Variants in KAZN observed in about 807,000 individuals in gnomAD.
The protein encoded by KAZN is kazrin.
A neutral mutation model predicts 87.4 loss-of-function variants in KAZN; 40 were observed. The ratio of observed to expected loss-of-function variants is 0.46; its 90% confidence interval spans 0.36 to 0.60. KAZN has a LOEUF of 0.60. KAZN is among the 20% of genes least tolerant of loss of function. The pLI is 0.00. For synonymous variants in KAZN, 466 were observed against 458.3 expected (o/e 1.02, Z -0.22); for missense variants, 898 against 1,073.9 (o/e 0.84, Z 2.29).
chr1:14,188,234 T>TGG (rs1481401680), intron 2 of KAZN, among the ~76,000 whole-genome samples: 1 of 142,084 alleles, frequency 7.0e-6, no homozygotes, highest in South Asian at 2.3e-4. Context: ...TGTGTGTGTG[T>TGG]GTGAAAGAGA....
chr1:13,943,465 A>G (rs6663073), intron 1 of KAZN, among the ~76,000 whole-genome samples: 21,095 of 152,102 alleles, frequency 0.14, 1,561 homozygotes, highest in Middle Eastern at 0.22. Flanking sequence ...TTTTAAAAAA[A>G]ATAATAACCA....
chr1:14,458,973 T>C (rs1418304000), intron 2 of KAZN, among the ~76,000 whole-genome samples: 1 of 152,182 alleles, frequency 6.6e-6, no homozygotes, highest in Non-Finnish European at 1.5e-5. Context: ...AAATCTCAAC[T>C]TGAAGAAGAG....
chr1:14,101,732 C>T (rs1159826089), intron 1 of KAZN, among the ~76,000 whole-genome samples: 1 of 152,198 alleles, frequency 6.6e-6, no homozygotes, highest in Non-Finnish European at 1.5e-5. Context: ...ATAAGGGCAG[C>T]TTAATTGTCA....
chr1:14,128,654 C>T (rs984306524), intron 1 of KAZN, among the ~76,000 whole-genome samples: 3 of 152,150 alleles, frequency 2.0e-5, no homozygotes, highest in African/African-American at 7.2e-5. Context: ...TTGAAAGCCC[C>T]TATCTCCAAA....
At chr1:13,984,741 A>C (rs1638926839) in intron 1 of KAZN, among the ~76,000 whole-genome samples, 1 of 152,238 alleles carries the variant, frequency 6.6e-6, no homozygotes, top group Admixed American at 6.5e-5. Context: ...AGCACAGAGC[A>C]TGGCATATAA....
intron 2 of KAZN, among the ~76,000 whole-genome samples, chr1:14,376,154 G>A (rs568412561): frequency 3.3e-4 from 50 of 152,286 alleles, no homozygotes; most frequent in East Asian, 1.2e-3. Flanking sequence ...CTGTGGGAAT[G>A]TTACCATCTC....
At chr1:14,353,509 G>A (rs962913835) in intron 2 of KAZN, among the ~76,000 whole-genome samples, 16 of 151,950 alleles carry the variant, frequency 1.1e-4, no homozygotes, top group Non-Finnish European at 2.1e-4. Context: ...GTGAGCCACC[G>A]CGCCCGGCCG....
chr1:14,496,808 A>T (rs1320064228), intron 2 of KAZN, among the ~76,000 whole-genome samples: 1 of 152,100 alleles, frequency 6.6e-6, no homozygotes, highest in East Asian at 1.9e-4. Context: ...TACATTCTTA[A>T]ACATGTAGCA....
intron 4 of KAZN, among the ~76,000 whole-genome samples, chr1:15,047,767 T>C (rs1021477741): frequency 6.6e-6 from 1 of 150,742 alleles, no homozygotes; most frequent in Admixed American, 6.6e-5. Context: ...CGAAACCCCA[T>C]CTCAAAAAAA....
At chr1:13,970,279 G>A (rs1557754044) in intron 1 of KAZN, among the ~76,000 whole-genome samples, 1 of 152,224 alleles carries the variant, frequency 6.6e-6, no homozygotes, top group Non-Finnish European at 1.5e-5. Flanking sequence ...AAAAAGTGCT[G>A]ACAAGGACTG....
At chr1:14,807,265 G>A (rs992777319) in intron 1 of KAZN, among the ~76,000 whole-genome samples, 58 of 152,196 alleles carry the variant, frequency 3.8e-4, no homozygotes, top group Non-Finnish European at 2.4e-4. Flanking sequence ...TCCTGGAAGA[G>A]GCAGCAGCCA....
chr1:14,660,527 T>TTCTC (rs35829534), intron 1 of KAZN, among the ~76,000 whole-genome samples: 1,684 of 119,986 alleles, frequency 0.014, 110 homozygotes, highest in African/African-American at 0.061. Context: ...CTCTCCAAGT[T>TTCTC]TCTCTCTCTC....
At chr1:14,962,873 C>T (rs1664047761) in intron 2 of KAZN, among the ~76,000 whole-genome samples, 1 of 152,148 alleles carries the variant, frequency 6.6e-6, no homozygotes, top group Admixed American at 6.5e-5. Context: ...CAGAGGCTCA[C>T]TTACACTACC....
chr1:14,124,127 G>A (rs1047843375), intron 1 of KAZN: 16 of 152,068 alleles, frequency 1.1e-4, no homozygotes, highest in African/African-American at 3.6e-4. Context: ...ATATTTTTGT[G>A]GTGCAAAATC....
chr1:15,072,571 T>C (rs369133944), intron 8 of KAZN, among the ~76,000 whole-genome samples: 2 of 152,190 alleles, frequency 1.3e-5, no homozygotes, highest in East Asian at 1.9e-4. Context: ...CTGCCTCACT[T>C]ATGCAGTATT....
At chr1:14,261,456 G>A (rs558510914) in intron 2 of KAZN, among the ~76,000 whole-genome samples, 5 of 152,270 alleles carry the variant, frequency 3.3e-5, no homozygotes, top group South Asian at 4.2e-4. Flanking sequence ...AATGGTCCCC[G>A]GGGGCCAGAT....
At chr1:14,527,879 C>T (rs530736898) in intron 2 of KAZN, among the ~76,000 whole-genome samples, 1 of 152,298 alleles carries the variant, frequency 6.6e-6, no homozygotes, top group African/African-American at 2.4e-5. Flanking sequence ...CCACCTCCAA[C>T]AGTGGGAATT....
intron 2 of KAZN, among the ~76,000 whole-genome samples, chr1:14,298,528 C>T (rs924576188): frequency 2.6e-5 from 4 of 152,122 alleles, no homozygotes; most frequent in East Asian, 1.9e-4. Context: ...TGCAAGTGTA[C>T]GATTTTAATG....
chr1:14,432,970 G>C (rs191928516), intron 2 of KAZN, among the ~76,000 whole-genome samples: 3 of 152,114 alleles, frequency 2.0e-5, no homozygotes, highest in Admixed American at 1.3e-4. Context: ...GTGTGTGTGT[G>C]TATGTATATG....
Sources: allele counts gnomAD v4.1 joint callset (sites outside exome capture counted in the v4.1 genomes callset), GRCh38; gene constraint gnomAD v4.1.1; transcripts MANE v1.5; gene names NCBI Gene and HGNC (gene_info 2026-07-23, HGNC 2026-07-21).